Variants in XRN1 observed in about 807,000 individuals in gnomAD.
XRN1 encodes strand-exchange protein 1 homolog.
Under a neutral mutation model 222.3 loss-of-function variants are expected in XRN1, and 67 were observed. That is an observed-to-expected ratio of 0.30 (90% CI 0.25 to 0.37). The LOEUF is 0.37. Ranked by LOEUF, XRN1 falls within the 10% of genes least tolerant of loss-of-function variation. The probability of loss-of-function intolerance (pLI) is 1.00; values close to 1 mark genes in which losing one functional copy is unlikely to be tolerated. For missense variants in XRN1, 1,707 were observed against 2,000.2 expected (o/e 0.85, Z 2.80); for synonymous variants, 643 against 652.4 (o/e 0.99, Z 0.22).
At chr3:142,431,961 T>C (rs1405085012) in intron 2 of XRN1, among the ~76,000 whole-genome samples, 2 of 98,920 alleles carry the variant, frequency 2.0e-5, no homozygotes, top group African/African-American at 8.4e-5. Flanking sequence ...ATATTATATA[T>C]AATATAATAT....
intron 39 of XRN1, chr3:142,313,323 G>A (rs2065125477): frequency 2.3e-6 from 2 of 853,036 alleles, no homozygotes; most frequent in Non-Finnish European, 3.7e-6. Context: ...ACCAATGGGT[G>A]CCAAATCTAA....
chr3:142,368,428 C>A (rs2066885379), intron 27 of XRN1, among the ~76,000 whole-genome samples: 1 of 152,128 alleles, frequency 6.6e-6, no homozygotes, highest in Admixed American at 6.5e-5. Flanking sequence ...GGATTACAGG[C>A]GTGAGCCACT....
intron 1 of XRN1, among the ~76,000 whole-genome samples, chr3:142,434,018 G>C (rs1245342552): frequency 6.6e-6 from 1 of 152,168 alleles, no homozygotes; most frequent in African/African-American, 2.4e-5. Context: ...TTACTGACAG[G>C]CTGAACTGAA....
In XRN1 at chr3:142,355,389, A is replaced by G; in HGVS notation, c.3768+12T>C. 7.1e-7 allele frequency: 1 copy of G among 1,409,748 alleles called. No individual in the cohort carries two copies. The highest frequency in any genetic ancestry group is 9.4e-7 in the Non-Finnish European group (1 of 1,058,530). 87.3% of individuals were successfully genotyped at this position (1,409,748 alleles called of 1,614,324 possible). On this transcript the variant is annotated intron_variant, in intron 32 of 40. Coordinates refer to ENST00000392981, the MANE Select transcript of XRN1 (RefSeq NM_001282857.2). ...TTTAAATTAATTGTCCATCAAAACA[A>G]GGAATACTAACCTTCTCTTGTATAG...
chr3:142,316,182 C>CTTTTGTTT (rs2065206330), intron 39 of XRN1, among the ~76,000 whole-genome samples: 1 of 143,496 alleles, frequency 7.0e-6, no homozygotes, highest in African/African-American at 2.6e-5. Flanking sequence ...CTTGTAAAAC[C>CTTTTGTTT]TTTTGTTTTT....
intron 34 of XRN1, among the ~76,000 whole-genome samples, chr3:142,334,736 G>T (rs886424706): frequency 6.8e-6 from 1 of 146,260 alleles, no homozygotes; most frequent in Non-Finnish European, 1.5e-5. Context: ...CATATATAAT[G>T]TCTATGTGTG....
At chr3:142,320,091 A>C (rs1293578533) in intron 37 of XRN1, among the ~76,000 whole-genome samples, 1 of 152,226 alleles carries the variant, frequency 6.6e-6, no homozygotes, top group Non-Finnish European at 1.5e-5. Context: ...GTAGATACCC[A>C]GAAGTGAGAT....
At chr3:142,376,171 A>T in intron 24 of XRN1, 1 of 737,886 alleles carries the variant, frequency 1.4e-6, no homozygotes, top group East Asian at 3.2e-5. Context: ...CATGTAAATA[A>T]ATTATGTAAT....
intron 27 of XRN1, among the ~76,000 whole-genome samples, chr3:142,370,093 A>C (rs1030966727): frequency 2.6e-5 from 4 of 151,842 alleles, no homozygotes; most frequent in Non-Finnish European, 5.9e-5. Context: ...AGGAAGAAAT[A>C]GGGGATTATT....
intron 16 of XRN1, among the ~76,000 whole-genome samples, chr3:142,404,479 A>C (rs1425240405): frequency 6.6e-6 from 1 of 152,198 alleles, no homozygotes; most frequent in Non-Finnish European, 1.5e-5. Flanking sequence ...GAAGAGAAAA[A>C]AATGGAGCTC....
At chr3:142,391,066 A>G (rs1386243767) in intron 20 of XRN1, among the ~76,000 whole-genome samples, 4 of 152,186 alleles carry the variant, frequency 2.6e-5, no homozygotes, top group African/African-American at 9.7e-5. Context: ...AAAATCACTG[A>G]TCATAGATGA....
intron 11 of XRN1, 89 bp from the exon 12 acceptor site, chr3:142,418,698 G>A: frequency 7.1e-7 from 1 of 1,415,460 alleles, no homozygotes; most frequent in Non-Finnish European, 9.8e-7. Flanking sequence ...TATCCAAGTT[G>A]ATGCTTATAT....
chr3:142,447,734 G>A lies in XRN1; in HGVS notation c.75+136C>T. 1.9e-6 allele frequency: 2 copies of A among 1,054,212 alleles called. No homozygotes were observed. Among genetic ancestry groups the A allele is most frequent in the South Asian group, 1.5e-5 (1 of 67,614 alleles). The allele number at this position is 1,054,212 out of a possible 1,614,324, so 65.3% of individuals were successfully genotyped here. On this transcript the variant is annotated intron_variant, in intron 1 of 40. Coordinates refer to ENST00000392981, the MANE Select transcript of XRN1 (RefSeq NM_001282857.2). This position sits in a 1 kb window ranked among gnomAD's most constrained non-coding sequence, Gnocchi z 4.2. ...TCATCCGGGCGTCCTCAAACCTTCC[G>A]TCCCCCTCCCTAATGCCACTAATCG...
Position 142,332,532 on chromosome 3 carries a change from C to T in XRN1, c.4065G>A (p.Lys1355=), listed in dbSNP as rs767242756. The change falls in exon 36 of 41, where the codon AAG becomes AAA. Residue 1355 remains lysine (K), a splice_region_variant and synonymous_variant. Transcript: ENST00000392981. ...EHLSPQSFAM[K]GTRMLKEILK... ...GAATTTCTTTAAGCATCCGTGTTCC[C>T]TTCTTTTTGAAAATGATTCACATGG... 11 of 1,604,246 alleles carry T rather than the reference C, an allele frequency of 6.9e-6. No individual in the cohort carries two copies. Among genetic ancestry groups the T allele is most frequent in the South Asian group, 3.3e-5 (3 of 89,608 alleles).
intron 37 of XRN1, among the ~76,000 whole-genome samples, chr3:142,320,778 T>C (rs1331697406): frequency 6.6e-6 from 1 of 152,198 alleles, no homozygotes; most frequent in Non-Finnish European, 1.5e-5. Flanking sequence ...TCTTATTCTA[T>C]GAGTTACCTT....
chr3:142,428,463 C>T (rs1024116776), intron 2 of XRN1, among the ~76,000 whole-genome samples: 1 of 149,834 alleles, frequency 6.7e-6, no homozygotes, highest in South Asian at 2.1e-4. Flanking sequence ...GAAAATTAAA[C>T]AGCCATAATG....
Position 142,310,952 on chromosome 3 carries a change from CAGGTCTAA to C in XRN1, c.*551_*558del, listed in dbSNP as rs1419785392. ...CACAACAAATGTGATCCTTTCACAGCAGGTCTAAAGACCCTCAGAGGCAACAAAGCATA... is the reference window on the plus strand; with the variant it reads ...CACAACAAATGTGATCCTTTCACAGCAGACCCTCAGAGGCAACAAAGCATA... On this transcript the variant is annotated 3_prime_UTR_variant, in exon 41 of 41. Transcript: ENST00000392981. The C allele has an allele frequency of 6.6e-6, 1 of 152,598 alleles. No individual in the cohort carries two copies. The highest frequency in any genetic ancestry group is 1.5e-5 in the Non-Finnish European group (1 of 68,048). The allele number at this position is 152,598 out of a possible 1,614,324, so 9.5% of individuals were successfully genotyped here.
chr3:142,425,360 G>A (rs745326216), intron 4 of XRN1, 28 bp from the exon 5 acceptor site: 2 of 1,587,072 alleles, frequency 1.3e-6, no homozygotes, highest in South Asian at 2.3e-5. Flanking sequence ...TAAAAATGCA[G>A]TAATATGGTA....
At chr3:142,360,954 AAATATAC>A (rs2066611124) in intron 29 of XRN1, among the ~76,000 whole-genome samples, 1 of 152,096 alleles carries the variant, frequency 6.6e-6, no homozygotes, top group South Asian at 2.1e-4. Flanking sequence ...CACATATCTG[AAATATAC>A]AAGTTAATGA....
Sources: gnomAD v4.1 joint callset for allele counts (sites outside exome capture counted in the v4.1 genomes callset) on GRCh38, gnomAD v4.1.1 for gene constraint, Gnocchi (gnomAD v3.1) non-coding constraint, MANE v1.5 for transcripts, NCBI Gene and HGNC (gene_info 2026-07-23, HGNC 2026-07-21) for gene names.